DNAH3: variants seen among roughly 807,000 people sequenced by gnomAD.
The protein encoded by DNAH3 is axonemal beta dynein heavy chain 3.
Under a neutral mutation model 432.5 loss-of-function variants are expected in DNAH3, and 332 were observed. The observed-to-expected ratio is 0.77, with a 90% CI of 0.70 to 0.84. DNAH3 has a LOEUF of 0.84. Among genes scored for constraint, DNAH3 ranks in the 40% least tolerant of loss-of-function variants. The pLI, the probability that DNAH3 is intolerant of heterozygous loss-of-function variation, is 0.00. For missense variants in DNAH3, 4,861 were observed against 5,114.0 expected (o/e 0.95, Z 1.51); for synonymous variants, 1,956 against 1,900.2 (o/e 1.03, Z -0.76).
chr16:21,067,392 C>A (rs925234462), exon 24 of DNAH3: 1 of 1,613,914 alleles, frequency 6.2e-7, no homozygotes, highest in East Asian at 2.2e-5. Flanking sequence ...GGCTGGTCGG[C>A]TGCCACCAGA....
chr16:21,042,140 G>T lies in DNAH3; in HGVS notation c.4525C>A (p.Leu1509Ile), dbSNP rs376545140. The change falls in exon 32 of 62, where the codon CTA (leucine) becomes ATA (isoleucine). Residue 1509 changes from leucine to isoleucine, a missense_variant. Leu to Ile is a conservative substitution (Grantham distance 5). Transcript: ENST00000261383. ...GTCCCTTCAAAGATGAATGTCTTTA[G>T]CTTCCGAATGATGGCTTGTTGGATG... 25 of 1,613,374 alleles carry T rather than the reference G, an allele frequency of 1.5e-5. No homozygotes were observed. In the African/African-American group the frequency reaches 3.3e-4, roughly 22 times the overall value.
intron 2 of DNAH3, 57 bp from the exon 4 acceptor site, chr16:21,145,463 G>A: frequency 3.4e-6 from 5 of 1,468,778 alleles, no homozygotes; most frequent in South Asian, 1.2e-5. Flanking sequence ...CGATGAGCCT[G>A]AGCTCTGCTC....
chr16:20,989,309 G>T (rs2086414065), intron 44 of DNAH3, among the ~76,000 whole-genome samples: 2 of 151,628 alleles, frequency 1.3e-5, no homozygotes, highest in African/African-American at 4.9e-5. Context: ...GTTCTCCAAG[G>T]CCCCACCAGA....
chr16:20,965,305 CGGATCCGCTTCATGGTCAGTGG>C lies in DNAH3; in HGVS notation c.8557_8578del (p.Pro2853GlyfsTer29). The C allele has an allele frequency of 6.2e-7, 1 of 1,612,900 alleles. No homozygotes were observed. The highest frequency in any genetic ancestry group is 8.5e-7 in the Non-Finnish European group (1 of 1,179,190). ...TTCCGGGTGATTGATAAACCTTTCCCGGATCCGCTTCATGGTCAGTGGGGGGATGTTGTCTTTGTCATATGTC... is the reference window on the plus strand; with the variant it reads ...TTCCGGGTGATTGATAAACCTTTCCCGGGGATGTTGTCTTTGTCATATGTC... On this transcript the variant is annotated frameshift_variant, in exon 53 of 62. Coordinates refer to ENST00000261383, the Ensembl canonical transcript of DNAH3. LOFTEE classifies it high-confidence loss of function.
chr16:21,062,750 C>T (rs755370552), intron 24 of DNAH3, 67 bp from the exon 25 acceptor site: 110 of 1,339,038 alleles, frequency 8.2e-5, no homozygotes, highest in Non-Finnish European at 1.1e-4. Flanking sequence ...CAAGGTGATA[C>T]TTTCTGACAG....
rs142880893 is a variant in DNAH3 at position 21,145,862 on chromosome 16, C to T, written c.222+122G>A. ...GCAAAAGCGACCAAAGCTACTAATC[C>T]TACTTGTCAGGTCTGTTTGACTCTC... On this transcript the variant is annotated intron_variant, in intron 2 of 61. Transcript: ENST00000261383. 5.0e-3 allele frequency: 3,370 copies of T among 679,388 alleles called. 16 individuals carry two copies. The highest frequency in any genetic ancestry group is 6.1e-3 in the Admixed American group (255 of 41,904). 42.1% of individuals were successfully genotyped at this position (679,388 alleles called of 1,614,324 possible). A position where few individuals can be genotyped will look rare whatever the true frequency, so the allele number is the denominator to read the frequency against.
chr16:20,943,246 AT>A (rs989131543), intron 58 of DNAH3, among the ~76,000 whole-genome samples: 108 of 144,238 alleles, frequency 7.5e-4, no homozygotes, highest in Middle Eastern at 3.7e-3. Context: ...GAGCTCAGCT[AT>A]TTTTTTTTTT....
At chr16:21,120,912 G>A (rs1299389642) in intron 10 of DNAH3, 2 of 1,309,730 alleles carry the variant, frequency 1.5e-6, no homozygotes, top group Non-Finnish European at 2.2e-6. Context: ...TCCTTCCTAG[G>A]GATACTGGTT....
At chr16:21,080,387 T>A (rs182568023) in intron 20 of DNAH3, among the ~76,000 whole-genome samples, 43 of 152,358 alleles carry the variant, frequency 2.8e-4, no homozygotes, top group Admixed American at 8.5e-4. Context: ...TCCAATAATG[T>A]ATTTGACTCA....
chr16:21,103,982 C>T (rs72780863), intron 16 of DNAH3: 26,804 of 159,948 alleles, frequency 0.17, 2,682 homozygotes, highest in South Asian at 0.24. Context: ...CATGAAAATC[C>T]GCAATAAATA....
At chr16:20,969,961 T>C in exon 52 of DNAH3, 1 of 1,614,056 alleles carries the variant, frequency 6.2e-7, no homozygotes. Context: ...GTGCAGGCAT[T>C]GCCTCAGCTA....
At chr16:21,157,187 T>G (rs1462060752) in intron 1 of DNAH3, among the ~76,000 whole-genome samples, 2 of 152,148 alleles carry the variant, frequency 1.3e-5, no homozygotes, top group African/African-American at 2.4e-5. Flanking sequence ...ATTCTGTGGT[T>G]TATCATATCA....
At chr16:21,082,656 C>G (rs1461632424) in intron 19 of DNAH3, among the ~76,000 whole-genome samples, 1 of 151,958 alleles carries the variant, frequency 6.6e-6, no homozygotes, top group Non-Finnish European at 1.5e-5. Flanking sequence ...AGGTGAAACC[C>G]TGTCTCTACT....
At chr16:21,149,544 G>A (rs2092827683) in intron 1 of DNAH3, among the ~76,000 whole-genome samples, 1 of 152,166 alleles carries the variant, frequency 6.6e-6, no homozygotes, top group South Asian at 2.1e-4. Context: ...GCTCGTCTGA[G>A]GACGTGCTAC....
At chr16:21,119,616 G>A (rs1184436623) in intron 11 of DNAH3, among the ~76,000 whole-genome samples, 1 of 149,682 alleles carries the variant, frequency 6.7e-6, no homozygotes, top group Non-Finnish European at 1.5e-5. Context: ...TTTTTTTTGA[G>A]ATGGAGTTTC....
At chr16:21,145,604 G>A (rs2092773215) in intron 2 of DNAH3, among the ~76,000 whole-genome samples, 198 bp from the exon 4 acceptor site, 1 of 152,216 alleles carries the variant, frequency 6.6e-6, no homozygotes, top group Non-Finnish European at 1.5e-5. Context: ...TCTGATGTCA[G>A]GGATAATAGC....
At chr16:21,135,449 T>G (rs1250811264) in intron 6 of DNAH3, among the ~76,000 whole-genome samples, 1 of 152,086 alleles carries the variant, frequency 6.6e-6, no homozygotes, top group Non-Finnish European at 1.5e-5. Context: ...TCCCAGCACT[T>G]TGAGAGGCTG....
Position 21,076,017 on chromosome 16 carries a change from A to G in DNAH3, c.2970-456T>C, listed in dbSNP as rs142008532. Among the ~76,000 whole-genome samples the G allele has an allele frequency of 9.4e-4, 143 of 151,472 alleles. 1 individual carries two copies. Among genetic ancestry groups the G allele is most frequent in the African/African-American group, 3.3e-3 (137 of 41,240 alleles). On this transcript the variant is annotated intron_variant, in intron 20 of 61. Transcript: ENST00000261383. The stretch of plus-strand genomic sequence containing the variant: ...ACCAAAAGGTTTACTATCCTGCTCT[A>G]AGATCTGCCAGCTACCGCCAGTGTT...
intron 6 of DNAH3, among the ~76,000 whole-genome samples, chr16:21,135,874 TAAAA>T (rs200043852): frequency 2.3e-5 from 3 of 128,662 alleles, no homozygotes. Flanking sequence ...ACCTTGTCGC[TAAAA>T]AAAAAAAAAA....
Sources: allele counts gnomAD v4.1 joint callset (sites outside exome capture counted in the v4.1 genomes callset), GRCh38; gene constraint gnomAD v4.1.1; transcripts MANE v1.5; gene names NCBI Gene and HGNC (gene_info 2026-07-23, HGNC 2026-07-21).